CYP11A1: variants seen among roughly 807,000 people sequenced by gnomAD.
CYP11A1 encodes cytochrome P450 family 11 subfamily A member 1.
A neutral mutation model predicts 51.9 loss-of-function variants in CYP11A1; 25 were observed. The observed-to-expected ratio is 0.48, with a 90% CI of 0.35 to 0.67. CYP11A1 has a LOEUF of 0.67. CYP11A1 is among the 30% of genes least tolerant of loss of function. CYP11A1 has a pLI of 0.00. For missense variants in CYP11A1, 578 were observed against 680.9 expected, an observed-to-expected ratio of 0.85 and a Z score of 1.68; for synonymous variants, 245 against 262.1, an observed-to-expected ratio of 0.93 and a Z score of 0.63.
At chr15:74,363,256 G>A (rs2060716930) in intron 1 of CYP11A1, 1 of 152,208 alleles carries the variant, frequency 6.6e-6, no homozygotes, top group Non-Finnish European at 1.5e-5. Context: ...AAATTGATTA[G>A]TCAAGTCTCT....
chr15:74,339,216 C>T, intron 7 of CYP11A1, 21 bp downstream of exon 7: 1 of 1,603,308 alleles, frequency 6.2e-7, no homozygotes, highest in Non-Finnish European at 8.5e-7. Context: ...GCAGAGCCTG[C>T]AGCCTGCTGG....
chr15:74,364,905 G>A (rs977214804), intron 1 of CYP11A1, among the ~76,000 whole-genome samples: 1 of 152,094 alleles, frequency 6.6e-6, no homozygotes, highest in Non-Finnish European at 1.5e-5. Flanking sequence ...GGTGCGGGGT[G>A]GGGGGAGCTC....
At chr15:74,351,671 A>C (rs997009817) in intron 1 of CYP11A1, among the ~76,000 whole-genome samples, 2 of 152,170 alleles carry the variant, frequency 1.3e-5, no homozygotes, top group African/African-American at 4.8e-5. Context: ...AGAGGTTCTG[A>C]GGTCTAGCCC....
chr15:74,349,989 G>A (rs1253197287), intron 1 of CYP11A1, among the ~76,000 whole-genome samples: 1 of 151,986 alleles, frequency 6.6e-6, no homozygotes, highest in Non-Finnish European at 1.5e-5. Flanking sequence ...TCAAGAAAAA[G>A]GAAGAAGATA....
intron 6 of CYP11A1, 117 bp from the exon 7 acceptor site, chr15:74,339,432 G>A: frequency 2.9e-6 from 4 of 1,393,756 alleles, no homozygotes; most frequent in Non-Finnish European, 2.0e-6. Flanking sequence ...GGACCTGGGG[G>A]TAGGGCCCTG....
intron 1 of CYP11A1, among the ~76,000 whole-genome samples, chr15:74,349,871 C>G (rs1392517432): frequency 6.6e-6 from 1 of 152,070 alleles, no homozygotes; most frequent in South Asian, 2.1e-4. Flanking sequence ...GGATCACTTG[C>G]GCCCAGGAAT....
At chr15:74,366,213 G>A in intron 1 of CYP11A1, 1 of 985,202 alleles carries the variant, frequency 1.0e-6, no homozygotes. Context: ...TGTCGCTAGC[G>A]CCAAACTTGA....
intron 1 of CYP11A1, among the ~76,000 whole-genome samples, chr15:74,352,601 C>G (rs2060661092): frequency 6.6e-6 from 1 of 152,156 alleles, no homozygotes; most frequent in African/African-American, 2.4e-5. Flanking sequence ...CTGGGAGCTG[C>G]TTGGGGCGAG....
chr15:74,361,831 G>A (rs1007596251), intron 1 of CYP11A1: 27 of 1,168,886 alleles, frequency 2.3e-5, no homozygotes, highest in Middle Eastern at 3.9e-4. Context: ...AGGCATACAC[G>A]TCCTGGCATC....
chr15:74,347,343 G>A (rs1232777135), intron 2 of CYP11A1, among the ~76,000 whole-genome samples: 1 of 152,104 alleles, frequency 6.6e-6, no homozygotes, highest in Non-Finnish European at 1.5e-5. Context: ...GGGGGGCAGA[G>A]GCTGCTGTGA....
chr15:74,362,018 A>T, intron 1 of CYP11A1: 1 of 1,495,590 alleles, frequency 6.7e-7, no homozygotes, highest in Non-Finnish European at 9.2e-7. Flanking sequence ...GAAGAAGATC[A>T]CCATTGCTGA....
chr15:74,338,184 T>A, intron 8 of CYP11A1, 81 bp from the exon 9 acceptor site: 19 of 1,553,048 alleles, frequency 1.2e-5, no homozygotes, highest in Non-Finnish European at 1.7e-5. Context: ...CCATAGGCAG[T>A]GCCTGTGGAG....
intron 1 of CYP11A1, among the ~76,000 whole-genome samples, chr15:74,359,353 ATGT>A (rs2060696314): frequency 6.6e-6 from 1 of 152,130 alleles, no homozygotes; most frequent in Non-Finnish European, 1.5e-5. Context: ...ACACTATTTT[ATGT>A]TATTTTTCTT....
At chr15:74,361,654 A>G (rs2060709480) in intron 1 of CYP11A1, 1 of 1,205,712 alleles carries the variant, frequency 8.3e-7, no homozygotes. Flanking sequence ...ACAGCAGAAA[A>G]CTTTCATGCT....
chr15:74,352,420 C>A (rs576135021), intron 1 of CYP11A1, among the ~76,000 whole-genome samples: 1 of 152,070 alleles, frequency 6.6e-6, no homozygotes, highest in African/African-American at 2.4e-5. Flanking sequence ...CAGGCACACG[C>A]CACCACGCCC....
intron 1 of CYP11A1, among the ~76,000 whole-genome samples, chr15:74,357,746 T>G (rs1174054234): frequency 6.6e-6 from 1 of 152,230 alleles, no homozygotes; most frequent in Non-Finnish European, 1.5e-5. Flanking sequence ...TCCAAACAAC[T>G]TGACCTTACT....
chr15:74,367,224 G>T, intron 1 of CYP11A1, 93 bp downstream of exon 1: 57 of 1,330,386 alleles, frequency 4.3e-5, no homozygotes, highest in Non-Finnish European at 5.7e-5. Context: ...TGGAACCAGA[G>T]AACAGCCTGT....
intron 1 of CYP11A1, among the ~76,000 whole-genome samples, chr15:74,355,372 C>A (rs553177007): frequency 1.4e-4 from 21 of 152,286 alleles, no homozygotes; most frequent in African/African-American, 5.1e-4. Context: ...ATAAAATGGG[C>A]AAATGGTCTG....
At chr15:74,356,083 A>G (rs974885735) in intron 1 of CYP11A1, among the ~76,000 whole-genome samples, 3 of 152,226 alleles carry the variant, frequency 2.0e-5, no homozygotes, top group African/African-American at 7.2e-5. Context: ...CTGAGTTACA[A>G]TTACTTGCCT....
Sources: allele counts gnomAD v4.1 joint callset (sites outside exome capture counted in the v4.1 genomes callset), GRCh38; gene constraint gnomAD v4.1.1; transcripts MANE v1.5; gene names NCBI Gene and HGNC (gene_info 2026-07-23, HGNC 2026-07-21).